TLN2: variants seen among roughly 807,000 people sequenced by gnomAD.
TLN2 encodes talin 2.
A neutral mutation model predicts 294.7 loss-of-function variants in TLN2; 118 were observed. The observed-to-expected ratio is 0.40, with a 90% CI of 0.34 to 0.47. TLN2 has a LOEUF of 0.47. TLN2 is among the 20% of genes least tolerant of loss of function. The probability of loss-of-function intolerance (pLI) is 0.84; values close to 1 mark genes in which losing one functional copy is unlikely to be tolerated. For missense variants in TLN2, 3,083 were observed against 3,282.2 expected, an observed-to-expected ratio of 0.94 and a Z score of 1.48; for synonymous variants, 1,431 against 1,304.5, an observed-to-expected ratio of 1.10 and a Z score of -2.09.
chr15:62,778,234 T>C (rs1595960527), intron 43 of TLN2, among the ~76,000 whole-genome samples: 1 of 152,348 alleles, frequency 6.6e-6, no homozygotes, highest in South Asian at 2.1e-4. Flanking sequence ...AGGCTCTACT[T>C]TGTCAAATCA....
chr15:62,597,448 A>G (rs2046627887), intron 2 of TLN2, among the ~76,000 whole-genome samples: 1 of 152,200 alleles, frequency 6.6e-6, no homozygotes, highest in East Asian at 1.9e-4. Context: ...TTCCCCTTTT[A>G]TACTGCAGCA....
rs564934639 is a variant in TLN2 at position 62,546,572 on chromosome 15, T to G, written c.-237-43115T>G. Among the ~76,000 whole-genome samples, 37 of 152,324 alleles carry G rather than the reference T, an allele frequency of 2.4e-4. 1 individual carries two copies. Among genetic ancestry groups the G allele is most frequent in the South Asian group, 1.0e-3 (5 of 4,830 alleles). ...ATAGTCTTCCTGGGGGCATGTTGTC[T>G]GAAGGTTTGTTTTTTCTATCCAGTT... On this transcript the variant is annotated intron_variant, in intron 1 of 58. Transcript: ENST00000636159.
At chr15:62,428,811 A>G (rs528471639) in intron 1 of TLN2, among the ~76,000 whole-genome samples, 1 of 152,314 alleles carries the variant, frequency 6.6e-6, no homozygotes, top group South Asian at 2.1e-4. Context: ...TGAGAGTGCC[A>G]CTGTAGTTTC....
chr15:62,833,508 C>T lies in TLN2; in HGVS notation c.7007C>T (p.Ala2336Val), dbSNP rs377723522. Reference protein sequence around the residue: ...QLKPRAKPKQADETLDFEEQI... With the variant: ...QLKPRAKPKQVDETLDFEEQI... ...GCTGTTTTCTTTTGGTTATAGCAAG[C>T]GGATGAGACCCTGGACTTTGAGGAA... The change falls in exon 55 of 59, where the codon GCG (alanine) becomes GTG (valine). Residue 2336 changes from alanine (A) to valine (V), a missense_variant. By Grantham distance (64) the Ala-to-Val change is moderately conservative (BLOSUM62 0). Coordinates refer to ENST00000636159, the MANE Select transcript of TLN2 (RefSeq NM_015059.3). The T allele has an allele frequency of 9.3e-6, 15 of 1,613,178 alleles. No homozygotes were observed. Among genetic ancestry groups the T allele is most frequent in the African/African-American group, 2.7e-5 (2 of 74,880 alleles).
At chr15:62,824,144 A>G in intron 54 of TLN2, 1 of 351,914 alleles carries the variant, frequency 2.8e-6, no homozygotes, top group East Asian at 8.8e-5. Context: ...AATTCATGTT[A>G]TCTTCCATTT....
chr15:62,496,314 T>C (rs2039013025), intron 1 of TLN2, among the ~76,000 whole-genome samples: 1 of 152,212 alleles, frequency 6.6e-6, no homozygotes, highest in Non-Finnish European at 1.5e-5. Context: ...TTGAATGTAG[T>C]TCACAAGCCT....
intron 52 of TLN2, among the ~76,000 whole-genome samples, chr15:62,810,838 A>G (rs1472796141): frequency 6.6e-6 from 1 of 152,148 alleles, no homozygotes; most frequent in Non-Finnish European, 1.5e-5. Context: ...TCTCTCCTCC[A>G]TCACTACCCT....
At chr15:62,545,734 TCTCAGAA>T (rs1287476163) in intron 1 of TLN2, among the ~76,000 whole-genome samples, 1 of 152,166 alleles carries the variant, frequency 6.6e-6, no homozygotes, top group Non-Finnish European at 1.5e-5. Flanking sequence ...AATTTGGTAA[TCTCAGAA>T]CTCAGAACTC....
intron 1 of TLN2, among the ~76,000 whole-genome samples, chr15:62,495,090 C>T (rs1001404706): frequency 2.0e-5 from 3 of 152,222 alleles, no homozygotes; most frequent in African/African-American, 7.2e-5. Context: ...AGAGTTCCTT[C>T]ACTGCACTTG....
intron 55 of TLN2, chr15:62,834,262 T>C (rs918949411): frequency 1.1e-4 from 17 of 152,248 alleles, no homozygotes; most frequent in African/African-American, 3.1e-4. Context: ...ACATGTTCCA[T>C]ATGTCTTGTT....
intron 54 of TLN2, among the ~76,000 whole-genome samples, chr15:62,825,866 A>T (rs1276716229): frequency 0.014 from 1,382 of 98,266 alleles, 24 homozygotes; most frequent in Non-Finnish European, 0.021. Flanking sequence ...ATATATATAT[A>T]TTTATATATA....
At chr15:62,661,141 TAAG>T (rs1198024697) in intron 9 of TLN2, among the ~76,000 whole-genome samples, 1 of 152,176 alleles carries the variant, frequency 6.6e-6, no homozygotes, top group Non-Finnish European at 1.5e-5. Context: ...TGGATAACTT[TAAG>T]AAGTGGTCAG....
chr15:62,547,876 T>G (rs1368297735), intron 1 of TLN2, among the ~76,000 whole-genome samples: 2 of 148,726 alleles, frequency 1.3e-5, no homozygotes, highest in African/African-American at 5.3e-5. Context: ...CTGAAATTGC[T>G]GTCTATCCTC....
chr15:62,594,012 C>T (rs886071052), intron 2 of TLN2, among the ~76,000 whole-genome samples: 5 of 151,920 alleles, frequency 3.3e-5, no homozygotes, highest in African/African-American at 1.2e-4. Flanking sequence ...CACAAAAGAC[C>T]CTGAATAGCC....
chr15:62,451,468 A>G (rs548373387), intron 1 of TLN2, among the ~76,000 whole-genome samples: 3 of 152,310 alleles, frequency 2.0e-5, no homozygotes, highest in Admixed American at 6.5e-5. Context: ...CATCCTGGCT[A>G]ACATGGGTGA....
At chr15:62,565,361 T>G (rs1315735661) in intron 1 of TLN2, among the ~76,000 whole-genome samples, 2 of 152,350 alleles carry the variant, frequency 1.3e-5, no homozygotes, top group African/African-American at 4.8e-5. Flanking sequence ...TAAATTGCAC[T>G]AGACTGACAG....
chr15:62,447,829 C>T (rs533924926), intron 1 of TLN2, among the ~76,000 whole-genome samples: 7 of 152,266 alleles, frequency 4.6e-5, no homozygotes, highest in South Asian at 4.2e-4. Context: ...GAAGGGTGCT[C>T]GGCCCCGCCC....
chr15:62,642,707 T>A (rs1053949638), intron 3 of TLN2, among the ~76,000 whole-genome samples: 1 of 151,626 alleles, frequency 6.6e-6, no homozygotes, highest in Non-Finnish European at 1.5e-5. Flanking sequence ...TTCTGTTTTT[T>A]TTTTTTTTGA....
chr15:62,477,097 A>G (rs576654492), intron 1 of TLN2, among the ~76,000 whole-genome samples: 1 of 152,322 alleles, frequency 6.6e-6, no homozygotes, highest in South Asian at 2.1e-4. Context: ...CTGTCTAGAA[A>G]CTTCCAATCC....
Sources: gnomAD v4.1 joint callset for allele counts (sites outside exome capture counted in the v4.1 genomes callset) on GRCh38, gnomAD v4.1.1 for gene constraint, MANE v1.5 for transcripts, NCBI Gene and HGNC (gene_info 2026-07-23, HGNC 2026-07-21) for gene names.